TRIM9: variants seen among roughly 807,000 people sequenced by gnomAD.
The protein encoded by TRIM9 is E3 ubiquitin-protein ligase TRIM9.
Under a neutral mutation model 78.3 loss-of-function variants are expected in TRIM9, and 26 were observed. The ratio of observed to expected loss-of-function variants is 0.33; its 90% CI spans 0.24 to 0.46. The LOEUF (loss-of-function observed/expected upper bound fraction) is 0.46. TRIM9 is among the 20% of genes least tolerant of loss of function. The probability of loss-of-function intolerance (pLI) is 1.00; values close to 1 mark genes in which losing one functional copy is unlikely to be tolerated. For missense variants in TRIM9, 787 were observed against 1,036.4 expected, an observed-to-expected ratio of 0.76 and a Z score of 3.30; for synonymous variants, 398 against 416.5, an observed-to-expected ratio of 0.96 and a Z score of 0.54.
At chr14:51,056,763 G>T (rs921235169) in intron 1 of TRIM9, among the ~76,000 whole-genome samples, 1 of 152,162 alleles carries the variant, frequency 6.6e-6, no homozygotes, top group Non-Finnish European at 1.5e-5. Context: ...TGATATTTCT[G>T]TCTGACAGTT....
intron 1 of TRIM9, among the ~76,000 whole-genome samples, chr14:51,077,049 A>G (rs1017149582): frequency 6.6e-6 from 1 of 152,202 alleles, no homozygotes; most frequent in Non-Finnish European, 1.5e-5. Flanking sequence ...GAGACTGGTT[A>G]AGCCCTTTCT....
At position 51,018,180 on chromosome 14, in the gene TRIM9, G is replaced by A. The variant is rs527262883; in HGVS notation, c.1041+4655C>T. ...TTTACAGGGATTGAGGTGGTTCTTG[G>A]CTTGAATTAGTTGCTTTTTTTTTCT... is the stretch of plus-strand genomic sequence containing the variant. On this transcript the variant is annotated intron_variant, in intron 3 of 12. Transcript: ENST00000684578. Among the ~76,000 whole-genome samples, 5 of 152,220 alleles carry A rather than the reference G, an allele frequency of 3.3e-5. No individual in the cohort carries two copies. In the South Asian group the frequency reaches 1.0e-3, roughly 32 times the overall value.
chr14:50,979,037 G>A, intron 12 of TRIM9: 1 of 1,293,960 alleles, frequency 7.7e-7, no homozygotes, highest in Non-Finnish European at 9.8e-7. Context: ...GCACTCCTGA[G>A]CTTTGTTAAG....
In TRIM9 at chr14:51,010,478, A is replaced by G. The variant is rs2056431397; in HGVS notation, c.1058T>C (p.Ile353Thr). 6.2e-7 allele frequency: 1 copy of G among 1,613,222 alleles called. No individual in the cohort carries two copies. The highest frequency in any genetic ancestry group is 8.5e-7 in the Non-Finnish European group (1 of 1,179,580). ...EHKLKVVRDQ[I>T]SHCTVKLRQT... ...GCGCAATTTCACTGTGCAGTGAGAG[A>G]TCTGATCTCGAACCACCTAGGATTA... The change falls in exon 4 of 13, where the codon ATC (isoleucine) becomes ACC (threonine). Residue 353 changes from isoleucine to threonine, a missense_variant. Transcript: ENST00000684578.
chr14:51,080,658 C>A (rs930859013), intron 1 of TRIM9, among the ~76,000 whole-genome samples: 26 of 152,274 alleles, frequency 1.7e-4, no homozygotes, highest in African/African-American at 6.0e-4. Flanking sequence ...CAATTCTATC[C>A]ATTTATAACT....
intron 7 of TRIM9, 171 bp downstream of exon 7, chr14:50,997,879 T>C (rs894621160): frequency 6.9e-7 from 1 of 1,441,782 alleles, no homozygotes; most frequent in South Asian, 1.5e-5. Context: ...CACATCCACA[T>C]ACCATAGGCT....
rs987310476 is a variant in TRIM9, at chr14:50,981,327, G to A, written c.2162+473C>T. Among the ~76,000 whole-genome samples, 26 of 152,054 alleles carry A rather than the reference G, an allele frequency of 1.7e-4. 1 individual carries two copies. The highest frequency in any genetic ancestry group is 1.5e-5 in the Non-Finnish European group (1 of 68,014). On this transcript the variant is annotated intron_variant, in intron 11 of 12. Coordinates refer to ENST00000684578, the MANE Select transcript of TRIM9 (RefSeq NM_001387360.1). ...TTTAATGAATCGTAATAAGAAGAAT[G>A]GCTACTATTTTCAGGTGCTTCCAAT...
At chr14:51,040,751 T>C (rs2059523176) in intron 1 of TRIM9, among the ~76,000 whole-genome samples, 1 of 152,268 alleles carries the variant, frequency 6.6e-6, no homozygotes, top group African/African-American at 2.4e-5. Context: ...GAACCTTTCA[T>C]ATTAATGATG....
intron 1 of TRIM9, among the ~76,000 whole-genome samples, chr14:51,032,368 A>G (rs1370119259): frequency 6.6e-6 from 1 of 152,250 alleles, no homozygotes; most frequent in Admixed American, 6.5e-5. Flanking sequence ...AAGACTATGC[A>G]TCCTTCTCCC....
intron 3 of TRIM9, among the ~76,000 whole-genome samples, chr14:51,015,764 C>G (rs1215689927): frequency 6.6e-6 from 1 of 152,000 alleles, no homozygotes; most frequent in Admixed American, 6.5e-5. Context: ...CCTTGGCCCC[C>G]CAAAGCATTG....
rs541467132 is a variant in TRIM9 at position 51,074,935 on chromosome 14, A to G, written c.822+19183T>C. Among the ~76,000 whole-genome samples, 158 of 152,372 alleles carry G rather than the reference A, an allele frequency of 1.0e-3. 1 individual carries two copies. The South Asian group carries it at 0.026, about 25-fold the overall frequency. On this transcript the variant is annotated intron_variant, in intron 1 of 12. Transcript: ENST00000684578. ...TTGATCTCACAATGTTGAAGCCCCAATTGAGAAGCTTGAAAGAGGAGGGAA... is the reference window on the plus strand; with the variant it reads ...TTGATCTCACAATGTTGAAGCCCCAGTTGAGAAGCTTGAAAGAGGAGGGAA...
intron 1 of TRIM9, among the ~76,000 whole-genome samples, chr14:51,065,424 G>A (rs1286662509): frequency 6.6e-6 from 1 of 152,168 alleles, no homozygotes; most frequent in East Asian, 1.9e-4. Context: ...AGAGAGTCCA[G>A]GAAGTGCACT....
intron 1 of TRIM9, among the ~76,000 whole-genome samples, chr14:51,079,936 G>A (rs192271752): frequency 2.3e-3 from 355 of 152,312 alleles, no homozygotes; most frequent in Middle Eastern, 6.8e-3. Context: ...GAGAATGAAG[G>A]AGTAGAGAGT....
At position 50,981,962 on chromosome 14, in the gene TRIM9, T is replaced by G. The variant is rs201743944; in HGVS notation, c.2000A>C (p.Glu667Ala). The G allele has an allele frequency of 1.2e-6, 2 of 1,614,110 alleles. No homozygotes were observed. Among genetic ancestry groups the G allele is most frequent in the Admixed American group, 3.3e-5 (2 of 60,014 alleles). ...GTTGTCATAGCGATCTACCGTGAGC[T>G]CCCAGTAGTGGATGCCCTTGGAGAA... ...TGFSKGIHYW[E>A]LTVDRYDNHP... Residue 667 changes from glutamate to alanine, a missense_variant, in exon 11 of 13, where the codon GAG (glutamate) becomes GCG (alanine). By Grantham distance (107) the Glu-to-Ala change is moderately radical (BLOSUM62 -1). Coordinates refer to ENST00000684578, the MANE Select transcript of TRIM9 (RefSeq NM_001387360.1).
At chr14:51,086,417 AT>A (rs1156871513) in intron 1 of TRIM9, among the ~76,000 whole-genome samples, 2 of 152,246 alleles carry the variant, frequency 1.3e-5, no homozygotes, top group Non-Finnish European at 2.9e-5. Context: ...AGCAAAAAGT[AT>A]AAAATACAGG....
At chr14:51,049,064 T>C (rs1047311489) in intron 1 of TRIM9, among the ~76,000 whole-genome samples, 3 of 151,660 alleles carry the variant, frequency 2.0e-5, no homozygotes, top group African/African-American at 4.8e-5. Flanking sequence ...CGTTATGTGG[T>C]TTTCTTGTTC....
intron 1 of TRIM9, among the ~76,000 whole-genome samples, chr14:51,077,394 T>G (rs1358410743): frequency 1.1e-5 from 1 of 92,418 alleles, no homozygotes; most frequent in Non-Finnish European, 2.7e-5. Flanking sequence ...CTGTTTTTTT[T>G]TTTTTTTTTT....
At chr14:51,042,361 C>A (rs1357007872) in intron 1 of TRIM9, among the ~76,000 whole-genome samples, 2 of 152,184 alleles carry the variant, frequency 1.3e-5, no homozygotes, top group East Asian at 1.9e-4. Context: ...CCTCTCAAAG[C>A]TTAGGAAGGA....
chr14:51,054,800 A>G (rs753571973), intron 1 of TRIM9, among the ~76,000 whole-genome samples: 1 of 151,746 alleles, frequency 6.6e-6, no homozygotes, highest in Non-Finnish European at 1.5e-5. Flanking sequence ...CGGCCTCCCA[A>G]AGTGCTGCGA....
Sources: gnomAD v4.1 joint callset for allele counts (sites outside exome capture counted in the v4.1 genomes callset) on GRCh38, gnomAD v4.1.1 for gene constraint, MANE v1.5 for transcripts, NCBI Gene and HGNC (gene_info 2026-07-23, HGNC 2026-07-21) for gene names.